The following TARDBP variants were observed in gnomAD, a reference collection of about 807,000 sequenced individuals.
The protein encoded by TARDBP is TAR DNA binding protein, also known as TAR DNA-binding protein 43.
TARDBP carries 4 observed loss-of-function variants against 38.3 expected under a neutral mutation model. That is an observed-to-expected ratio of 0.10 (90% CI 0.05 to 0.24). The LOEUF is 0.24. TARDBP is among the 10% of genes least tolerant of loss of function. The pLI is 1.00. For synonymous variants in TARDBP, 184 were observed against 183.8 expected (o/e 1.00, Z -0.01); for missense variants, 202 against 521.9 (o/e 0.39, Z 5.97).
chr1:11,021,510 T>G (rs1277351377), intron 5 of TARDBP, among the ~76,000 whole-genome samples: 1 of 152,160 alleles, frequency 6.6e-6, no homozygotes, highest in African/African-American at 2.4e-5. Context: ...ACTCCTGACC[T>G]CAGGTGATCC....
chr1:11,013,567 G>A, intron 1 of TARDBP, 149 bp from the exon 2 acceptor site: 2 of 670,260 alleles, frequency 3.0e-6, no homozygotes, highest in South Asian at 3.5e-5. Context: ...CCTTCACCTC[G>A]TCATTTTTCA....
downstream of TARDBP, chr1:11,030,025 A>G (rs1431374053): frequency 1.5e-5 from 9 of 587,750 alleles, no homozygotes; most frequent in Non-Finnish European, 2.4e-5. Flanking sequence ...GAAGGGGGTA[A>G]TGAGAACATA....
At position 11,022,922 on chromosome 1, in the gene TARDBP, A is replaced by C. The variant is rs1475208118; in HGVS notation, c.*268A>C. On this transcript the variant is annotated 3_prime_UTR_variant, in exon 6 of 6. Coordinates refer to ENST00000240185, the MANE Select transcript of TARDBP (RefSeq NM_007375.4). The surrounding 1 kb of genome is among the most constrained non-coding windows in gnomAD (Gnocchi z 4.5). The stretch of plus-strand genomic sequence containing the variant: ...CCTGATTGGTAAACCAACACACTAC[A>C]ATTGATATCAAAAGGTTTCTCCTGT... The C allele has an allele frequency of 7.3e-7, 1 of 1,366,914 alleles. No individual in the cohort carries two copies. Among genetic ancestry groups the C allele is most frequent in the Non-Finnish European group, 9.4e-7 (1 of 1,061,342 alleles). 84.7% of individuals were successfully genotyped at this position (1,366,914 alleles called of 1,614,324 possible). A position where few individuals can be genotyped will look rare whatever the true frequency, so the allele number is the denominator to read the frequency against.
chr1:11,020,631 G>T, intron 5 of TARDBP, 32 bp downstream of exon 5: 1 of 1,599,888 alleles, frequency 6.3e-7, no homozygotes, highest in South Asian at 1.1e-5. Flanking sequence ...TGTCCCGGCC[G>T]GGCGTGGTGG....
rs376304074 is a variant in TARDBP at position 11,022,284 on chromosome 1, G to C, written c.875G>C (p.Ser292Thr). ...GFGNQGGFGN[S>T]RGGGAGLGNN... The stretch of plus-strand genomic sequence containing the variant: ...GGGAATCAGGGTGGATTTGGTAATA[G>C]CAGAGGGGGTGGAGCTGGTTTGGGA... Residue 292 changes from serine to threonine, a missense_variant, in exon 6 of 6, where the codon AGC becomes ACC. Ser to Thr is a moderately conservative substitution (Grantham distance 58). This residue lies in a region of TARDBP where 107 missense variants were observed against 190.5 expected (regional missense o/e 0.56). Coordinates refer to ENST00000240185, the MANE Select transcript of TARDBP (RefSeq NM_007375.4). This position sits in a 1 kb window ranked among gnomAD's most constrained non-coding sequence, Gnocchi z 4.5. The C allele has an allele frequency of 1.2e-6, 2 of 1,613,956 alleles. No individual in the cohort carries two copies. The highest frequency in any genetic ancestry group is 1.3e-5 in the African/African-American group (1 of 75,030).
At chr1:11,013,213 G>A (rs1189458812) in intron 1 of TARDBP, among the ~76,000 whole-genome samples, 1 of 152,230 alleles carries the variant, frequency 6.6e-6, no homozygotes, top group Non-Finnish European at 1.5e-5. Flanking sequence ...AGGAACAGAG[G>A]GAAACTTTTC....
chr1:11,025,255 G>A lies in TARDBP; in HGVS notation c.*2601G>A, dbSNP rs1296921822. 6.6e-6 allele frequency: 1 copy of A among 152,538 alleles called. No homozygotes were observed. The highest frequency in any genetic ancestry group is 2.4e-5 in the African/African-American group (1 of 41,420). 9.4% of individuals were successfully genotyped at this position (152,538 alleles called of 1,614,324 possible). ...ATGGTTTAATCCCTTCTTTACACTTGTGTAAATTTCAGTTACTGGTCATAG... is the reference window on the plus strand; with the variant it reads ...ATGGTTTAATCCCTTCTTTACACTTATGTAAATTTCAGTTACTGGTCATAG... On this transcript the variant is annotated 3_prime_UTR_variant, in exon 6 of 6. Coordinates refer to ENST00000240185, the MANE Select transcript of TARDBP (RefSeq NM_007375.4).
At position 11,013,732 on chromosome 1, in the gene TARDBP, C is replaced by G; in HGVS notation, c.5C>G (p.Ser2Cys). The change falls in exon 2 of 6, where the codon TCT (serine) becomes TGT (cysteine). Residue 2 changes from serine (S) to cysteine (C), a missense_variant. Transcript: ENST00000240185. M[S>C]EYIRVTEDEN... ...TCTCTTTAGGAAAAGTAAAAGATGT[C>G]TGAATATATTCGGGTAACCGAAGAT... is the stretch of plus-strand genomic sequence containing the variant. The G allele has an allele frequency of 6.2e-7, 1 of 1,605,080 alleles. No homozygotes were observed.
chr1:11,018,728 T>C lies in TARDBP; in HGVS notation c.403-5T>C, dbSNP rs372872536. ...TTTAGAGTAAACTTGTATCATCCTTTCTAGGTCAAGAAAGATCTTAAGACT... is the reference window on the plus strand; with the variant it reads ...TTTAGAGTAAACTTGTATCATCCTTCCTAGGTCAAGAAAGATCTTAAGACT... On this transcript the variant is annotated splice_region_variant and splice_polypyrimidine_tract_variant and intron_variant, in intron 3 of 5. Transcript: ENST00000240185. 4.0e-5 allele frequency: 64 copies of C among 1,614,064 alleles called. No homozygotes were observed. The highest frequency in any genetic ancestry group is 5.3e-5 in the Non-Finnish European group (62 of 1,180,036).
At chr1:11,020,830 C>T (rs577230909) in intron 5 of TARDBP, among the ~76,000 whole-genome samples, 129 of 152,004 alleles carry the variant, frequency 8.5e-4, no homozygotes, top group African/African-American at 3.0e-3. Flanking sequence ...AGGGGAATCG[C>T]TTGAACCCAG....
chr1:11,022,499 A>C lies in TARDBP; in HGVS notation c.1090A>C (p.Asn364His). The change falls in exon 6 of 6, where the codon AAC becomes CAC. Residue 364 changes from asparagine to histidine, a missense_variant. Asn to His is a moderately conservative substitution (Grantham distance 68). Coordinates refer to ENST00000240185, the MANE Select transcript of TARDBP (RefSeq NM_007375.4). The surrounding 1 kb of genome is among the most constrained non-coding windows in gnomAD (Gnocchi z 4.5). ...QNQGNMQREP[N>H]QAFGSGNNSY... ...CCAAGGCAACATGCAGAGGGAGCCA[A>C]ACCAGGCCTTCGGTTCTGGAAATAA... 6.2e-7 allele frequency: 1 copy of C among 1,601,820 alleles called. No homozygotes were observed. Among genetic ancestry groups the C allele is most frequent in the Non-Finnish European group, 8.5e-7 (1 of 1,171,276 alleles).
At chr1:11,026,785 C>T, downstream of TARDBP, 1 of 1,013,864 alleles carries the variant, frequency 9.9e-7, no homozygotes. Context: ...CAACAACTGC[C>T]ATGTCCACAG....
intron 4 of TARDBP, among the ~76,000 whole-genome samples, chr1:11,019,651 C>G (rs1362463471): frequency 6.6e-6 from 1 of 152,088 alleles, no homozygotes; most frequent in Non-Finnish European, 1.5e-5. Context: ...ACTGCAAGCT[C>G]TGCCTCCCGG....
downstream of TARDBP, chr1:11,026,646 C>G: frequency 2.8e-6 from 1 of 360,806 alleles, no homozygotes. Flanking sequence ...TGACATTACA[C>G]TGGGTGGGCA....
At chr1:11,021,923 T>C (rs1204078693) in intron 5 of TARDBP, among the ~76,000 whole-genome samples, 1 of 152,236 alleles carries the variant, frequency 6.6e-6, no homozygotes, top group African/African-American at 2.4e-5. Flanking sequence ...AGCCTATGTC[T>C]TTTGAAAATC....
chr1:11,020,354 T>C (rs1643612332), intron 4 of TARDBP, 75 bp from the exon 5 acceptor site: 8 of 1,572,796 alleles, frequency 5.1e-6, no homozygotes, highest in Non-Finnish European at 4.4e-6. Context: ...GATTTTGTTA[T>C]ATCCCTTACC....
downstream of TARDBP, chr1:11,026,894 A>G: frequency 6.8e-7 from 1 of 1,478,448 alleles, no homozygotes; most frequent in East Asian, 2.4e-5. Context: ...GTTAAAAATC[A>G]CTAATTATGT....
chr1:11,014,900 C>T (rs1643487228), intron 2 of TARDBP, among the ~76,000 whole-genome samples: 1 of 151,842 alleles, frequency 6.6e-6, no homozygotes, highest in East Asian at 1.9e-4. Context: ...TGTGCCATTG[C>T]ACTCCAGCCT....
chr1:11,021,900 A>T (rs1272918375), intron 5 of TARDBP, among the ~76,000 whole-genome samples: 1 of 152,232 alleles, frequency 6.6e-6, no homozygotes, highest in Admixed American at 6.5e-5. Flanking sequence ...TACAGGCATG[A>T]GCCACCATGC....
Sources: gnomAD v4.1 joint callset for allele counts (sites outside exome capture counted in the v4.1 genomes callset) on GRCh38, gnomAD v4.1.1 for gene constraint, gnomAD v4.1.1 regional missense constraint, Gnocchi (gnomAD v3.1) non-coding constraint, MANE v1.5 for transcripts, NCBI Gene and HGNC (gene_info 2026-07-23, HGNC 2026-07-21) for gene names.